Variants in SOX6 observed in about 807,000 individuals in gnomAD.
SOX6 encodes the protein SRY-box transcription factor 6.
Under a neutral mutation model 97.8 loss-of-function variants are expected in SOX6, and 11 were observed. The ratio of observed to expected loss-of-function variants is 0.11; its 90% CI spans 0.07 to 0.19. SOX6 has a LOEUF of 0.19. Among genes scored for constraint, SOX6 ranks in the 10% least tolerant of loss-of-function variants. The probability of loss-of-function intolerance (pLI) is 1.00; values close to 1 mark genes in which losing one functional copy is unlikely to be tolerated. For synonymous variants in SOX6, 360 were observed against 371.4 expected (o/e 0.97, Z 0.35); for missense variants, 810 against 1,039.5 (o/e 0.78, Z 3.04).
chr11:16,603,472 G>A (rs890238442), intron 4 of SOX6, among the ~76,000 whole-genome samples: 2 of 152,114 alleles, frequency 1.3e-5, no homozygotes, highest in Admixed American at 6.5e-5. Context: ...CCTGGAGGGG[G>A]AAACCAGAAG....
chr11:15,979,727 C>T (rs1171921981), intron 15 of SOX6, among the ~76,000 whole-genome samples: 1 of 152,038 alleles, frequency 6.6e-6, no homozygotes, highest in African/African-American at 2.4e-5. Flanking sequence ...GCCCACATTT[C>T]CCAGATATCT....
intron 13 of SOX6, among the ~76,000 whole-genome samples, chr11:16,014,620 G>A (rs1468982660): frequency 6.6e-6 from 1 of 151,988 alleles, no homozygotes; most frequent in African/African-American, 2.4e-5. Context: ...AAATACAAAT[G>A]CAGTGAGATG....
chr11:16,577,857 T>G (rs1038305589), intron 4 of SOX6, among the ~76,000 whole-genome samples: 1 of 152,190 alleles, frequency 6.6e-6, no homozygotes, highest in South Asian at 2.1e-4. Context: ...TTGCAAATAT[T>G]TTCTCCCACT....
intron 4 of SOX6, among the ~76,000 whole-genome samples, chr11:16,552,938 A>G (rs551644696): frequency 1.3e-5 from 2 of 152,328 alleles, no homozygotes; most frequent in African/African-American, 4.8e-5. Context: ...GAAGTGAGTA[A>G]CAATCTCTCA....
At chr11:16,569,498 T>A (rs1847913428) in intron 4 of SOX6, among the ~76,000 whole-genome samples, 1 of 152,104 alleles carries the variant, frequency 6.6e-6, no homozygotes, top group Non-Finnish European at 1.5e-5. Flanking sequence ...AGAAATTATT[T>A]TAAATATAAG....
intron 4 of SOX6, among the ~76,000 whole-genome samples, chr11:16,506,630 G>C (rs1410341146): frequency 6.6e-6 from 1 of 152,200 alleles, no homozygotes; most frequent in Admixed American, 6.5e-5. Flanking sequence ...GTTTGGTTCT[G>C]TGCCCCCAAC....
intron 4 of SOX6, among the ~76,000 whole-genome samples, chr11:16,603,363 C>T (rs950586533): frequency 4.6e-5 from 7 of 152,196 alleles, no homozygotes; most frequent in Non-Finnish European, 1.5e-5. Flanking sequence ...GTACTTACTG[C>T]TCCTAAGAAC....
chr11:16,420,636 C>T (rs986047657), intron 1 of SOX6, among the ~76,000 whole-genome samples: 3 of 152,036 alleles, frequency 2.0e-5, no homozygotes, highest in Non-Finnish European at 4.4e-5. Flanking sequence ...TTTTTTAAAA[C>T]GTATTTTTTT....
intron 6 of SOX6, among the ~76,000 whole-genome samples, chr11:16,182,537 A>G (rs1343115238): frequency 6.6e-6 from 1 of 151,910 alleles, no homozygotes; most frequent in African/African-American, 2.4e-5. Context: ...AGCATGAGTC[A>G]TAAAAGAGAT....
intron 6 of SOX6, among the ~76,000 whole-genome samples, chr11:16,145,341 G>T (rs1308661263): frequency 6.6e-6 from 1 of 152,088 alleles, no homozygotes; most frequent in African/African-American, 2.4e-5. Context: ...GGTATTGATG[G>T]GACATATCTC....
At chr11:16,171,708 T>C (rs1851044143) in intron 6 of SOX6, among the ~76,000 whole-genome samples, 1 of 151,898 alleles carries the variant, frequency 6.6e-6, no homozygotes, top group Non-Finnish European at 1.5e-5. Flanking sequence ...GAACATGGAT[T>C]TGCTTAAATA....
intron 6 of SOX6, among the ~76,000 whole-genome samples, chr11:16,112,363 T>G (rs1016527426): frequency 2.0e-5 from 3 of 152,154 alleles, no homozygotes; most frequent in African/African-American, 7.2e-5. Context: ...CTAATTAATA[T>G]ATATTCTAAA....
At chr11:16,436,726 G>T (rs540953277) in intron 1 of SOX6, among the ~76,000 whole-genome samples, 5 of 152,126 alleles carry the variant, frequency 3.3e-5, no homozygotes, top group Non-Finnish European at 7.3e-5. Context: ...TGAGAAAATA[G>T]ATTCTGAGCA....
At chr11:16,564,652 G>A (rs1460551534) in intron 4 of SOX6, among the ~76,000 whole-genome samples, 1 of 151,892 alleles carries the variant, frequency 6.6e-6, no homozygotes, top group Non-Finnish European at 1.5e-5. Flanking sequence ...AAATCAGTAA[G>A]AAAGAAAGAA....
At chr11:16,671,230 G>A (rs1245908180) in intron 3 of SOX6, among the ~76,000 whole-genome samples, 1 of 152,170 alleles carries the variant, frequency 6.6e-6, no homozygotes, top group Non-Finnish European at 1.5e-5. Flanking sequence ...TAACTCAAAT[G>A]GCAAGAGTGT....
At chr11:16,430,800 C>G (rs999767714) in intron 1 of SOX6, among the ~76,000 whole-genome samples, 2 of 152,176 alleles carry the variant, frequency 1.3e-5, no homozygotes, top group Admixed American at 1.3e-4. Context: ...ATAGTCTATA[C>G]TCAACACAGT....
intron 9 of SOX6, among the ~76,000 whole-genome samples, chr11:16,063,924 G>C (rs561640180): frequency 1.3e-5 from 2 of 151,528 alleles, no homozygotes; most frequent in African/African-American, 4.8e-5. Context: ...CCAATTTCTT[G>C]TTCCTAGTCA....
In SOX6 at chr11:16,615,618, A is replaced by G. The variant is rs147208220; in HGVS notation, n.430-3358T>C. The stretch of plus-strand genomic sequence containing the variant: ...AATATAAGGAAATGAAACCACCATA[A>G]ATAATGTGATAGAAACCAGAACATT... On this transcript the variant is annotated intron_variant and non_coding_transcript_variant, in intron 3 of 5. Transcript: ENST00000524520. 4.8e-3 allele frequency among the ~76,000 whole-genome samples: 734 copies of G among 152,320 alleles called. 5 individuals are homozygous for G. Among genetic ancestry groups the G allele is most frequent in the African/African-American group, 0.014 (590 of 41,570 alleles).
At chr11:16,066,136 C>G (rs781253988) in intron 9 of SOX6, among the ~76,000 whole-genome samples, 3 of 152,128 alleles carry the variant, frequency 2.0e-5, no homozygotes, top group Non-Finnish European at 4.4e-5. Context: ...AGAAGACATA[C>G]AAATGGCAAA....
Sources: gnomAD v4.1 joint callset for allele counts (sites outside exome capture counted in the v4.1 genomes callset) on GRCh38, gnomAD v4.1.1 for gene constraint, MANE v1.5 for transcripts, NCBI Gene and HGNC (gene_info 2026-07-23, HGNC 2026-07-21) for gene names.